The following SESTD1 variants were observed in gnomAD, a reference collection of about 807,000 sequenced individuals.
SESTD1 encodes the protein SEC14 and spectrin domain containing 1.
A neutral mutation model predicts 101.7 loss-of-function variants in SESTD1; 43 were observed. That is an observed-to-expected ratio of 0.42 (90% CI 0.33 to 0.55). The LOEUF (loss-of-function observed/expected upper bound fraction) is 0.55, where lower values mean the gene tolerates loss of function less well. Ranked by LOEUF, SESTD1 falls within the 20% of genes least tolerant of loss-of-function variation. The probability of loss-of-function intolerance (pLI) is 0.07; values close to 1 mark genes in which losing one functional copy is unlikely to be tolerated. For synonymous variants in SESTD1, 283 were observed against 286.8 expected, an observed-to-expected ratio of 0.99 and a Z score of 0.13; for missense variants, 647 against 815.1, an observed-to-expected ratio of 0.79 and a Z score of 2.51.
chr2:179,137,041 G>A (rs1366815255), intron 9 of SESTD1, among the ~76,000 whole-genome samples: 3 of 152,090 alleles, frequency 2.0e-5, no homozygotes, highest in Non-Finnish European at 4.4e-5. Context: ...CTATTTAAAT[G>A]CATTAATAAT....
rs148665940 is a variant in SESTD1 at position 179,244,793 on chromosome 2, T to A, written c.-26+19706A>T. On this transcript the variant is annotated intron_variant, in intron 1 of 17. Transcript: ENST00000428443. Reference sequence around the variant, plus strand: ...TAGGCTTCCTTTGTCTTGAGTTGTCTAAATTATGTTTGACACCTGAAGCAA... The same window carrying A: ...TAGGCTTCCTTTGTCTTGAGTTGTCAAAATTATGTTTGACACCTGAAGCAA... Among the ~76,000 whole-genome samples, 185 of 152,346 alleles carry A rather than the reference T, an allele frequency of 1.2e-3. 5 individuals carry two copies. In the East Asian group the frequency reaches 0.024, roughly 20 times the overall value.
At chr2:179,123,156 A>AT (rs2044791197) in intron 12 of SESTD1, among the ~76,000 whole-genome samples, 1 of 151,948 alleles carries the variant, frequency 6.6e-6, no homozygotes, top group South Asian at 2.1e-4. Context: ...CTGTAGAAAA[A>AT]TTCTAAAGGC....
At chr2:179,216,793 C>A (rs1207192143) in intron 1 of SESTD1, among the ~76,000 whole-genome samples, 1 of 134,228 alleles carries the variant, frequency 7.5e-6, no homozygotes, top group Admixed American at 7.2e-5. Context: ...ACATACAGAC[C>A]AGTGGAACAG....
intron 1 of SESTD1, among the ~76,000 whole-genome samples, chr2:179,237,974 A>G (rs2047093829): frequency 6.6e-6 from 1 of 152,310 alleles, no homozygotes; most frequent in South Asian, 2.1e-4. Context: ...CAGACTCCCC[A>G]AAAACTCAGC....
intron 9 of SESTD1, among the ~76,000 whole-genome samples, chr2:179,136,568 T>C (rs2045150815): frequency 6.6e-6 from 1 of 152,224 alleles, no homozygotes; most frequent in Non-Finnish European, 1.5e-5. Context: ...AACATAGTGA[T>C]AAAATGACTT....
At chr2:179,174,599 C>CT (rs926863385) in intron 4 of SESTD1, 22 of 370,928 alleles carry the variant, frequency 5.9e-5, no homozygotes, top group South Asian at 1.7e-4. Context: ...GCTGGAAGCA[C>CT]TTTTTTTTCA....
chr2:179,201,885 G>A lies in SESTD1; in HGVS notation c.-25-10019C>T, dbSNP rs1168167867. Among the ~76,000 whole-genome samples, 4 of 123,028 alleles carry A rather than the reference G, an allele frequency of 3.3e-5. 1 individual carries two copies. Among genetic ancestry groups the A allele is most frequent in the African/African-American group, 1.3e-4 (4 of 29,752 alleles). 80.7% of individuals were successfully genotyped at this position (123,028 alleles called of 152,430 possible). A position where few individuals can be genotyped will look rare whatever the true frequency, so the allele number is the denominator to read the frequency against. ...ACATGTATACATATGTAACTAACCT[G>A]CACATTGTGCACATGTACCCTAAAA... On this transcript the variant is annotated intron_variant, in intron 1 of 17. Transcript: ENST00000428443.
intron 9 of SESTD1, among the ~76,000 whole-genome samples, chr2:179,136,530 C>T (rs1469812305): frequency 6.6e-6 from 1 of 152,138 alleles, no homozygotes; most frequent in Non-Finnish European, 1.5e-5. Flanking sequence ...TCTCATTTAT[C>T]ACTATGTGTT....
At chr2:179,173,045 T>A (rs2045953106) in intron 4 of SESTD1, among the ~76,000 whole-genome samples, 1 of 152,134 alleles carries the variant, frequency 6.6e-6, no homozygotes, top group Non-Finnish European at 1.5e-5. Flanking sequence ...GCCTCTCAGA[T>A]CTCATCTTAC....
At chr2:179,183,219 T>G in intron 2 of SESTD1, 31 bp from the exon 3 acceptor site, 1 of 1,365,544 alleles carries the variant, frequency 7.3e-7, no homozygotes, top group Non-Finnish European at 1.0e-6. Context: ...ATTTAACATG[T>G]AATACATATT....
chr2:179,230,523 T>C (rs2046972017), intron 1 of SESTD1, among the ~76,000 whole-genome samples: 1 of 151,112 alleles, frequency 6.6e-6, no homozygotes, highest in African/African-American at 2.4e-5. Context: ...TGGGCAAAAA[T>C]AAATAAATAA....
chr2:179,112,928 A>G (rs945460736), intron 16 of SESTD1, 83 bp from the exon 17 acceptor site: 9 of 1,463,046 alleles, frequency 6.2e-6, no homozygotes, highest in Non-Finnish European at 8.1e-6. Context: ...CCACAAAAAA[A>G]AAGAGAGAAA....
chr2:179,174,187 A>T (rs1006397959), intron 4 of SESTD1, among the ~76,000 whole-genome samples: 1 of 152,208 alleles, frequency 6.6e-6, no homozygotes, highest in Non-Finnish European at 1.5e-5. Context: ...ATTTTAGAGA[A>T]TACCAGTTAT....
chr2:179,162,090 T>C (rs997805297), intron 5 of SESTD1, among the ~76,000 whole-genome samples: 3 of 152,192 alleles, frequency 2.0e-5, no homozygotes, highest in South Asian at 2.1e-4. Context: ...GTGACTCTTA[T>C]GGTTTGTTAT....
chr2:179,141,719 C>G (rs1179627351), intron 9 of SESTD1, among the ~76,000 whole-genome samples: 1 of 151,542 alleles, frequency 6.6e-6, no homozygotes, highest in Non-Finnish European at 1.5e-5. Context: ...CAAGGTCAAG[C>G]AGCTTGGAAG....
chr2:179,247,445 G>C (rs879637512), intron 1 of SESTD1, among the ~76,000 whole-genome samples: 1 of 152,154 alleles, frequency 6.6e-6, no homozygotes, highest in Admixed American at 6.5e-5. Context: ...TTAAGAGACA[G>C]GGTCTTTCTT....
rs1342119205 is a variant in SESTD1 at position 179,155,974 on chromosome 2, G to C, written c.370-4583C>G. Among the ~76,000 whole-genome samples, 3 of 151,998 alleles carry C rather than the reference G, an allele frequency of 2.0e-5. No individual in the cohort carries two copies. The East Asian group carries it at 5.8e-4, about 29-fold the overall frequency. ...CTCATAGCTTAGCTCCCACATATCAGCGAGAACACACGATGTTTGGTTTTC... is the reference window on the plus strand; with the variant it reads ...CTCATAGCTTAGCTCCCACATATCACCGAGAACACACGATGTTTGGTTTTC... On this transcript the variant is annotated intron_variant, in intron 5 of 17. Transcript: ENST00000428443.
chr2:179,236,367 CAT>C (rs2047066252), intron 1 of SESTD1, among the ~76,000 whole-genome samples: 1 of 139,136 alleles, frequency 7.2e-6, no homozygotes, highest in Non-Finnish European at 1.5e-5. Flanking sequence ...CATGGTAGCA[CAT>C]GTCTACAGCC....
chr2:179,171,445 TC>T (rs2045928983), intron 5 of SESTD1, among the ~76,000 whole-genome samples: 2 of 152,268 alleles, frequency 1.3e-5, no homozygotes, highest in South Asian at 4.1e-4. Context: ...CTGTAAGCAT[TC>T]CAAGGGCCTA....
Sources: gnomAD v4.1 joint callset for allele counts (sites outside exome capture counted in the v4.1 genomes callset) on GRCh38, gnomAD v4.1.1 for gene constraint, MANE v1.5 for transcripts, NCBI Gene and HGNC (gene_info 2026-07-23, HGNC 2026-07-21) for gene names.